Variants in ALPK1 observed in about 807,000 individuals in gnomAD.
ALPK1 encodes the protein alpha-protein kinase 1.
Under a neutral mutation model 120.6 loss-of-function variants are expected in ALPK1, and 110 were observed. The ratio of observed to expected loss-of-function variants is 0.91; its 90% CI spans 0.78 to 1.07. The LOEUF (loss-of-function observed/expected upper bound fraction) is 1.07. Ranked by LOEUF, ALPK1 falls within the 50% of genes least tolerant of loss-of-function variation. The pLI is 0.00. For synonymous variants in ALPK1, 582 were observed against 560.3 expected (o/e 1.04, Z -0.55); for missense variants, 1,498 against 1,483.9 (o/e 1.01, Z -0.16).
intron 2 of ALPK1, among the ~76,000 whole-genome samples, chr4:112,349,058 T>TAA (rs1730215906): frequency 6.6e-6 from 1 of 152,154 alleles, no homozygotes; most frequent in Non-Finnish European, 1.5e-5. Context: ...AGTTTTTGTT[T>TAA]TTTTTTTGTC....
In ALPK1 at chr4:112,383,774, CCAT is replaced by C. The variant is rs771188066; in HGVS notation, c.276+1226_276+1228del. The stretch of plus-strand genomic sequence containing the variant: ...TACAAAGGAGTTGCCCCCAGTAAAT[CCAT>C]CATAAGTTGGAAATATAATAGGTCA... On this transcript the variant is annotated intron_variant, in intron 4 of 15. Coordinates refer to ENST00000650871, the MANE Select transcript of ALPK1 (RefSeq NM_025144.4). 2.4e-4 allele frequency: 36 copies of C among 152,142 alleles called. 1 individual carries two copies. The highest frequency in any genetic ancestry group is 1.3e-4 in the Admixed American group (2 of 15,278). The allele number at this position is 152,142 out of a possible 1,614,324, so 9.4% of individuals were successfully genotyped here.
intron 2 of ALPK1, among the ~76,000 whole-genome samples, chr4:112,332,425 T>C (rs957525328): frequency 6.6e-6 from 1 of 152,214 alleles, no homozygotes; most frequent in African/African-American, 2.4e-5. Flanking sequence ...CTCTGAACTT[T>C]TATGGAATTT....
chr4:112,339,077 AC>A (rs1729748707), intron 2 of ALPK1, among the ~76,000 whole-genome samples: 2 of 152,190 alleles, frequency 1.3e-5, no homozygotes, highest in Admixed American at 1.3e-4. Context: ...ATTTGAAATT[AC>A]CCACAATGAG....
chr4:112,310,474 T>C (rs1728346502), intron 1 of ALPK1, among the ~76,000 whole-genome samples: 1 of 152,140 alleles, frequency 6.6e-6, no homozygotes, highest in African/African-American at 2.4e-5. Context: ...GTATGTGTTT[T>C]AAAGCAGGTT....
chr4:112,427,648 A>T lies in ALPK1; in HGVS notation c.778A>T (p.Asn260Tyr), dbSNP rs1293079752. 6.2e-7 allele frequency: 1 copy of T among 1,612,686 alleles called. No homozygotes were observed. Among genetic ancestry groups the T allele is most frequent in the Admixed American group, 1.7e-5 (1 of 60,022 alleles). The change falls in exon 9 of 16, where the codon AAT becomes TAT. Residue 260 changes from asparagine to tyrosine, a missense_variant. Asn to Tyr is a moderately radical substitution (Grantham distance 143, BLOSUM62 -2). Coordinates refer to ENST00000650871, the MANE Select transcript of ALPK1 (RefSeq NM_025144.4). ...GAACGATTATGAAAAGTTTAAAAAC[A>T]ATCCACAAATTAATTTGGTAATTAT... ...SKNDYEKFKN[N>Y]PQINLSLLKE... is the part of the protein sequence containing the mutation.
chr4:112,308,665 G>T (rs1728239631), intron 1 of ALPK1, among the ~76,000 whole-genome samples: 1 of 151,932 alleles, frequency 6.6e-6, no homozygotes, highest in South Asian at 2.1e-4. Context: ...TTTTTTCAAG[G>T]TTTTTAGCTT....
intron 2 of ALPK1, among the ~76,000 whole-genome samples, chr4:112,326,175 T>C (rs560018729): frequency 3.9e-5 from 6 of 152,222 alleles, no homozygotes; most frequent in Non-Finnish European, 8.8e-5. Flanking sequence ...ATCCCATTTT[T>C]ACATAATTTA....
intron 2 of ALPK1, chr4:112,358,347 G>C (rs575234729): frequency 1.7e-6 from 1 of 599,478 alleles, no homozygotes; most frequent in East Asian, 3.1e-5. Context: ...GTTGCTGAGC[G>C]AACTATGCCA....
At position 112,441,387 on chromosome 4, in the gene ALPK1, G is replaced by A. The variant is rs767615153; in HGVS notation, c.*177G>A. ...GTTATCAAGAATGGGTCAGGAGACC[G>A]CTGCTTCTGGGCATAAGTCCTGCAA... On this transcript the variant is annotated 3_prime_UTR_variant, in exon 16 of 16. Transcript: ENST00000650871. 3 of 675,486 alleles carry A rather than the reference G, an allele frequency of 4.4e-6. No individual in the cohort carries two copies. In the South Asian group the frequency reaches 5.1e-5, roughly 12 times the overall value. The allele number at this position is 675,486 out of a possible 1,614,324, so 41.8% of individuals were successfully genotyped here. A position where few individuals can be genotyped will look rare whatever the true frequency, so the allele number is the denominator to read the frequency against.
intron 1 of ALPK1, among the ~76,000 whole-genome samples, chr4:112,302,018 T>C (rs773021304): frequency 2.6e-5 from 4 of 152,168 alleles, no homozygotes; most frequent in Non-Finnish European, 5.9e-5. Flanking sequence ...CAGATTCACA[T>C]CCTGGAGCTT....
intron 2 of ALPK1, among the ~76,000 whole-genome samples, chr4:112,325,253 C>T (rs886843798): frequency 2.6e-5 from 4 of 152,206 alleles, no homozygotes. Flanking sequence ...GCTTTTGGCA[C>T]GTACCAAATT....
chr4:112,315,322 A>G (rs1273113184), intron 1 of ALPK1, among the ~76,000 whole-genome samples: 1 of 152,224 alleles, frequency 6.6e-6, no homozygotes, highest in Non-Finnish European at 1.5e-5. Context: ...AAGTCAGTGG[A>G]TGAAAGTTGC....
rs372841187 is a variant in ALPK1, at chr4:112,427,584, G to A, written c.714G>A (p.Ser238=). The change falls in exon 9 of 16, where the codon TCG becomes TCA. Residue 238 remains serine (S), a synonymous_variant. Coordinates refer to ENST00000650871, the MANE Select transcript of ALPK1 (RefSeq NM_025144.4). ...TTTTCTTACAGGGCCTCTCCACGTC[G>A]CTAGGTATACTGGCAGACATCTTTG... ...PQPDKKGLST[S]LGILADIFVS... 8.1e-6 allele frequency: 13 copies of A among 1,613,662 alleles called. No homozygotes were observed. The highest frequency in any genetic ancestry group is 9.3e-6 in the Non-Finnish European group (11 of 1,179,780).
intron 4 of ALPK1, chr4:112,384,616 C>G (rs1732069417): frequency 6.6e-6 from 1 of 152,142 alleles, no homozygotes; most frequent in African/African-American, 2.4e-5. Flanking sequence ...AATCAAAAAC[C>G]CTTACTGAAT....
intron 2 of ALPK1, among the ~76,000 whole-genome samples, chr4:112,324,975 G>C (rs199836928): frequency 1.4e-3 from 42 of 30,510 alleles, no homozygotes; most frequent in African/African-American, 5.9e-3. Context: ...CCAAAAAAAA[G>C]GGGGGGGGGG....
At chr4:112,424,041 A>C in intron 6 of ALPK1, 38 bp downstream of exon 6, 26 of 1,577,894 alleles carry the variant, frequency 1.6e-5, no homozygotes, top group Non-Finnish European at 2.2e-5. Flanking sequence ...CTTTTACCTC[A>C]GCCCCGAACA....
At chr4:112,359,756 C>T in intron 2 of ALPK1, 4 of 392,754 alleles carry the variant, frequency 1.0e-5, no homozygotes, top group South Asian at 4.0e-5. Context: ...AGGACGTGCC[C>T]AACCTGCACA....
chr4:112,336,893 G>A (rs896401178), intron 2 of ALPK1, among the ~76,000 whole-genome samples: 1 of 151,956 alleles, frequency 6.6e-6, no homozygotes, highest in Non-Finnish European at 1.5e-5. Flanking sequence ...GAAATAATAG[G>A]CAAATTTTTC....
In ALPK1 at chr4:112,315,841, C is replaced by A. The variant is rs1728610699; in HGVS notation, c.-112C>A. On this transcript the variant is annotated 5_prime_UTR_variant, in exon 2 of 16. Coordinates refer to ENST00000650871, the MANE Select transcript of ALPK1 (RefSeq NM_025144.4). ...CAGGAATGGATTGAAATCTAATGAA[C>A]CGAAACTTTGGGTAAGTTTTCATAT... 6.6e-6 allele frequency: 1 copy of A among 152,106 alleles called. No homozygotes were observed. The highest frequency in any genetic ancestry group is 2.4e-5 in the African/African-American group (1 of 41,404). 9.4% of individuals were successfully genotyped at this position (152,106 alleles called of 1,614,324 possible).
Sources: allele counts gnomAD v4.1 joint callset (sites outside exome capture counted in the v4.1 genomes callset), GRCh38; gene constraint gnomAD v4.1.1; transcripts MANE v1.5; gene names NCBI Gene and HGNC (gene_info 2026-07-23, HGNC 2026-07-21).